ADCY8: variants seen among roughly 807,000 people sequenced by gnomAD.
ADCY8 encodes adenylate cyclase 8.
In ADCY8, 51 loss-of-function variants were observed where a neutral mutation model predicts 119.7. The observed-to-expected ratio is 0.43, with a 90% CI of 0.34 to 0.54. The LOEUF is 0.54. Ranked by LOEUF, ADCY8 falls within the 20% of genes least tolerant of loss-of-function variation. ADCY8 has a pLI of 0.03. For missense variants in ADCY8, 1,383 were observed against 1,598.8 expected (o/e 0.87, Z 2.30); for synonymous variants, 665 against 651.0 (o/e 1.02, Z -0.33).
intron 12 of ADCY8, among the ~76,000 whole-genome samples, chr8:130,827,575 C>T (rs1027499012): frequency 2.6e-5 from 4 of 152,210 alleles, no homozygotes; most frequent in Non-Finnish European, 4.4e-5. Flanking sequence ...CCCCTCTTTT[C>T]ACTAAAGAGA....
At chr8:130,943,761 C>A (rs1030377210) in intron 3 of ADCY8, among the ~76,000 whole-genome samples, 3 of 152,158 alleles carry the variant, frequency 2.0e-5, no homozygotes, top group African/African-American at 7.2e-5. Flanking sequence ...ATGAAGATAT[C>A]AATTTCTTGT....
At chr8:130,957,846 A>G (rs1821478156) in intron 2 of ADCY8, among the ~76,000 whole-genome samples, 1 of 152,234 alleles carries the variant, frequency 6.6e-6, no homozygotes, top group Admixed American at 6.5e-5. Flanking sequence ...GAAGTTAAGA[A>G]TTGGGGTTTG....
chr8:130,781,023 A>C, intron 17 of ADCY8, 146 bp from the exon 18 acceptor site: 1 of 1,070,516 alleles, frequency 9.3e-7, no homozygotes, highest in South Asian at 1.6e-5. Context: ...GTCACTTATT[A>C]GATGTATCAC....
chr8:130,956,020 C>G (rs111832139), intron 2 of ADCY8, among the ~76,000 whole-genome samples: 2,979 of 152,202 alleles, frequency 0.02, 57 homozygotes, highest in Middle Eastern at 0.031. Context: ...TGGCATGTGC[C>G]TATAGTCCCA....
At chr8:130,867,320 C>T (rs890562077) in intron 9 of ADCY8, among the ~76,000 whole-genome samples, 2 of 152,164 alleles carry the variant, frequency 1.3e-5, no homozygotes, top group Admixed American at 6.5e-5. Context: ...ATTTATTTAA[C>T]TATTATGAGC....
At chr8:130,922,832 G>A (rs1426513593) in intron 5 of ADCY8, among the ~76,000 whole-genome samples, 1 of 152,178 alleles carries the variant, frequency 6.6e-6, no homozygotes, top group Non-Finnish European at 1.5e-5. Flanking sequence ...TAATAAAGAT[G>A]AACATGATTC....
chr8:130,962,921 G>A (rs573229080), intron 2 of ADCY8, among the ~76,000 whole-genome samples: 14 of 152,232 alleles, frequency 9.2e-5, no homozygotes, highest in East Asian at 1.9e-4. Context: ...CACACATTAC[G>A]TAGCACACCA....
chr8:130,794,444 C>T (rs917431010), intron 15 of ADCY8, among the ~76,000 whole-genome samples: 3 of 152,172 alleles, frequency 2.0e-5, no homozygotes, highest in Non-Finnish European at 2.9e-5. Flanking sequence ...TGGGGTTTCA[C>T]TATGTTGGCC....
intron 15 of ADCY8, among the ~76,000 whole-genome samples, chr8:130,796,285 C>A (rs1030496072): frequency 2.6e-5 from 4 of 152,170 alleles, no homozygotes; most frequent in Admixed American, 6.6e-5. Context: ...TACTCTATAG[C>A]TAAAAGTGTC....
intron 1 of ADCY8, among the ~76,000 whole-genome samples, chr8:131,006,309 G>C (rs987241711): frequency 2.0e-5 from 3 of 152,188 alleles, no homozygotes; most frequent in African/African-American, 7.2e-5. Context: ...GTAAATCTTT[G>C]TTGACAGGAC....
At chr8:130,957,951 T>A (rs1563745025) in intron 2 of ADCY8, among the ~76,000 whole-genome samples, 1 of 152,196 alleles carries the variant, frequency 6.6e-6, no homozygotes, top group Non-Finnish European at 1.5e-5. Flanking sequence ...ATGGAGAACC[T>A]CTGCTAGGGC....
chr8:130,846,925 TTCCTTCCTTCCTTC>T (rs1817348074), intron 11 of ADCY8, among the ~76,000 whole-genome samples: 1 of 127,216 alleles, frequency 7.9e-6, no homozygotes, highest in South Asian at 3.0e-4. Flanking sequence ...CCTTCCTTCC[TTCCTTCCTTCCTTC>T]TCCTTCCTTC....
intron 14 of ADCY8, among the ~76,000 whole-genome samples, chr8:130,810,459 A>G (rs1816130203): frequency 6.6e-6 from 1 of 151,980 alleles, no homozygotes; most frequent in Non-Finnish European, 1.5e-5. Context: ...GAAGAAAGCA[A>G]TCTGAGGGAC....
intron 15 of ADCY8, among the ~76,000 whole-genome samples, chr8:130,793,770 G>A (rs1586418613): frequency 6.6e-6 from 1 of 152,138 alleles, no homozygotes; most frequent in South Asian, 2.1e-4. Context: ...GAACATATTA[G>A]TTTAGAAGAT....
intron 11 of ADCY8, among the ~76,000 whole-genome samples, chr8:130,837,803 A>C (rs1817033961): frequency 6.6e-6 from 1 of 152,230 alleles, no homozygotes; most frequent in Non-Finnish European, 1.5e-5. Flanking sequence ...TAACATTCAA[A>C]GTAACTGGTC....
At chr8:130,883,425 A>C (rs370113722) in intron 8 of ADCY8, among the ~76,000 whole-genome samples, 14 of 152,174 alleles carry the variant, frequency 9.2e-5, no homozygotes, top group African/African-American at 3.1e-4. Flanking sequence ...TTGTTAGTAC[A>C]TAGACACAAT....
chr8:130,932,909 TTTGAGTG>T (rs1367498300), intron 5 of ADCY8, among the ~76,000 whole-genome samples: 4 of 152,162 alleles, frequency 2.6e-5, no homozygotes, highest in African/African-American at 7.2e-5. Flanking sequence ...CTAGGGTCAT[TTTGAGTG>T]TTGGTTTGCC....
At chr8:130,987,621 A>T (rs1430555107) in intron 2 of ADCY8, among the ~76,000 whole-genome samples, 1 of 152,212 alleles carries the variant, frequency 6.6e-6, no homozygotes, top group Admixed American at 6.5e-5. Flanking sequence ...ATTTAGGATC[A>T]TTATCCAAGG....
chr8:130,979,458 C>A (rs1042699140), intron 2 of ADCY8, among the ~76,000 whole-genome samples: 1 of 152,178 alleles, frequency 6.6e-6, no homozygotes, highest in African/African-American at 2.4e-5. Context: ...CTTCTTATTG[C>A]TAGAACCAAT....
Sources: allele counts gnomAD v4.1 joint callset (sites outside exome capture counted in the v4.1 genomes callset), GRCh38; gene constraint gnomAD v4.1.1; transcripts MANE v1.5; gene names NCBI Gene and HGNC (gene_info 2026-07-23, HGNC 2026-07-21).